Variants in PCDH9 observed in about 807,000 individuals in gnomAD.
PCDH9 encodes the protein protocadherin-9.
PCDH9 carries 24 observed loss-of-function variants against 70.6 expected under a neutral mutation model. The ratio of observed to expected loss-of-function variants is 0.34; its 90% CI spans 0.25 to 0.48. PCDH9 has a LOEUF of 0.48. Ranked by LOEUF, PCDH9 falls within the 20% of genes least tolerant of loss-of-function variation. The pLI is 0.99. For missense variants in PCDH9, 1,281 were observed against 1,503.6 expected, an observed-to-expected ratio of 0.85 and a Z score of 2.45; for synonymous variants, 562 against 558.5, an observed-to-expected ratio of 1.01 and a Z score of -0.09.
chr13:66,578,645 A>G (rs2076848429), intron 4 of PCDH9, among the ~76,000 whole-genome samples: 1 of 152,058 alleles, frequency 6.6e-6, no homozygotes, highest in Admixed American at 6.6e-5. Flanking sequence ...TAGAAGCTAT[A>G]TTGAAGTCTC....
At chr13:67,200,183 G>T (rs2138048909) in intron 2 of PCDH9, among the ~76,000 whole-genome samples, 1 of 152,044 alleles carries the variant, frequency 6.6e-6, no homozygotes, top group African/African-American at 2.4e-5. Flanking sequence ...TTTTTTACTT[G>T]TTTGTTTTTA....
In PCDH9 at chr13:66,676,607, C is replaced by T. The variant is rs1053587889; in HGVS notation, c.3139-45196G>A. The stretch of plus-strand genomic sequence containing the variant: ...CTGGAATTTTCACCTACGCCTGTTA[C>T]CCCCAAAACAGGTCTCTTTTCATAT... On this transcript the variant is annotated intron_variant, in intron 3 of 4. Transcript: ENST00000377865. Among the ~76,000 whole-genome samples, 9 of 152,038 alleles carry T rather than the reference C, an allele frequency of 5.9e-5. No individual in the cohort carries two copies. In the South Asian group the frequency reaches 6.2e-4, roughly 10 times the overall value.
chr13:67,214,235 G>A (rs1161630969), intron 2 of PCDH9: 1 of 152,136 alleles, frequency 6.6e-6, no homozygotes. Context: ...AAAGCTGTTG[G>A]TGATTATGCT....
intron 4 of PCDH9, among the ~76,000 whole-genome samples, chr13:66,495,420 A>G (rs547172116): frequency 6.6e-6 from 1 of 152,194 alleles, no homozygotes; most frequent in African/African-American, 2.4e-5. Flanking sequence ...AGCTAAGTAC[A>G]TTCAGCTGTT....
intron 4 of PCDH9, among the ~76,000 whole-genome samples, chr13:66,529,853 TAGA>T (rs888362038): frequency 5.3e-5 from 8 of 150,252 alleles, no homozygotes; most frequent in African/African-American, 2.0e-4. Flanking sequence ...TATTGTGTAC[TAGA>T]AGGAGTTATA....
chr13:67,220,216 A>T (rs570738349), intron 2 of PCDH9: 1 of 151,922 alleles, frequency 6.6e-6, no homozygotes, highest in African/African-American at 2.4e-5. Flanking sequence ...GATTACAGAA[A>T]ACAAAATGAT....
intron 2 of PCDH9, among the ~76,000 whole-genome samples, chr13:66,967,659 A>C (rs7981782): frequency 2.0e-5 from 3 of 151,758 alleles, no homozygotes; most frequent in African/African-American, 7.3e-5. Flanking sequence ...ACAAAAAAAA[A>C]TTTTTTCTTA....
intron 2 of PCDH9, among the ~76,000 whole-genome samples, chr13:67,188,853 G>T (rs2088831158): frequency 6.6e-6 from 1 of 151,792 alleles, no homozygotes; most frequent in Non-Finnish European, 1.5e-5. Context: ...AAGTTCTTTA[G>T]TGGTGATTTG....
chr13:66,942,557 A>C (rs1231739079), intron 2 of PCDH9, among the ~76,000 whole-genome samples: 1 of 152,020 alleles, frequency 6.6e-6, no homozygotes, highest in Non-Finnish European at 1.5e-5. Flanking sequence ...TCAAAAATTC[A>C]ACAGTTTTAT....
At chr13:66,976,323 T>C (rs1401974023) in intron 2 of PCDH9, among the ~76,000 whole-genome samples, 1 of 152,152 alleles carries the variant, frequency 6.6e-6, no homozygotes, top group Non-Finnish European at 1.5e-5. Context: ...GGTAGTAGTC[T>C]ATGTAAAGTA....
At chr13:67,171,301 G>C (rs547107963) in intron 2 of PCDH9, among the ~76,000 whole-genome samples, 1 of 152,118 alleles carries the variant, frequency 6.6e-6, no homozygotes, top group Non-Finnish European at 1.5e-5. Context: ...TATGAGTCGG[G>C]GTAGAATTTC....
intron 3 of PCDH9, among the ~76,000 whole-genome samples, chr13:66,879,414 AC>A (rs1379153067): frequency 2.6e-5 from 4 of 152,184 alleles, no homozygotes; most frequent in African/African-American, 9.6e-5. Context: ...ATTAAAAAAA[AC>A]AATATGCCTA....
At chr13:67,096,253 T>A (rs2086317388) in intron 2 of PCDH9, among the ~76,000 whole-genome samples, 1 of 152,126 alleles carries the variant, frequency 6.6e-6, no homozygotes, top group Admixed American at 6.6e-5. Context: ...GTTTATGGTA[T>A]TGCTGTCATT....
chr13:66,979,910 C>A (rs1368692884), intron 2 of PCDH9, among the ~76,000 whole-genome samples: 1 of 151,952 alleles, frequency 6.6e-6, no homozygotes, highest in Non-Finnish European at 1.5e-5. Context: ...CTTCTCCTAT[C>A]CCTCCACCTT....
At chr13:66,393,378 A>G (rs1957050846) in intron 4 of PCDH9, among the ~76,000 whole-genome samples, 1 of 152,182 alleles carries the variant, frequency 6.6e-6, no homozygotes, top group South Asian at 2.1e-4. Context: ...TTTTATATGT[A>G]AAGAGCTGAG....
intron 2 of PCDH9, among the ~76,000 whole-genome samples, chr13:67,007,263 A>C (rs916163825): frequency 3.3e-5 from 5 of 152,150 alleles, no homozygotes; most frequent in Non-Finnish European, 5.9e-5. Flanking sequence ...CAGCCACCAA[A>C]AAAATTGTAA....
intron 4 of PCDH9, among the ~76,000 whole-genome samples, chr13:66,538,092 A>G (rs530803527): frequency 3.0e-4 from 46 of 152,238 alleles, no homozygotes; most frequent in Non-Finnish European, 4.9e-4. Context: ...GATACTCTCA[A>G]AAAGTCTTTC....
intron 2 of PCDH9, among the ~76,000 whole-genome samples, chr13:67,073,618 G>C (rs1189619853): frequency 6.6e-6 from 1 of 151,728 alleles, no homozygotes; most frequent in Non-Finnish European, 1.5e-5. Flanking sequence ...ACATAGTTTT[G>C]AGATTCAAAA....
intron 4 of PCDH9, among the ~76,000 whole-genome samples, chr13:66,526,579 T>C (rs1185096724): frequency 2.0e-5 from 3 of 152,034 alleles, no homozygotes; most frequent in Non-Finnish European, 4.4e-5. Context: ...TCCCTGTAGA[T>C]CACAAATATT....
Sources: gnomAD v4.1 joint callset for allele counts (sites outside exome capture counted in the v4.1 genomes callset) on GRCh38, gnomAD v4.1.1 for gene constraint, MANE v1.5 for transcripts, NCBI Gene and HGNC (gene_info 2026-07-23, HGNC 2026-07-21) for gene names.